Variants in AVEN observed in about 807,000 individuals in gnomAD.
The protein encoded by AVEN is cell death regulator Aven.
In AVEN, 41 loss-of-function variants were observed where a neutral mutation model predicts 38.1. The observed-to-expected ratio is 1.08, with a 90% CI of 0.84 to 1.40. The LOEUF (loss-of-function observed/expected upper bound fraction) is 1.40, where lower values mean the gene tolerates loss of function less well. AVEN is among the 40% of genes most tolerant of loss of function. The probability of loss-of-function intolerance (pLI) is 0.00; values close to 1 mark genes in which losing one functional copy is unlikely to be tolerated. For synonymous variants in AVEN, 206 were observed against 171.8 expected, an observed-to-expected ratio of 1.20 and a Z score of -1.56; for missense variants, 605 against 438.8, an observed-to-expected ratio of 1.38 and a Z score of -3.38.
At chr15:33,991,552 T>G (rs184880457) in intron 2 of AVEN, 16 of 151,148 alleles carry the variant, frequency 1.1e-4, no homozygotes, top group Non-Finnish European at 1.6e-4. Context: ...ATGAAATGTC[T>G]AGATTGAATG....
At chr15:33,872,987 C>T (rs117195282) in intron 3 of AVEN, among the ~76,000 whole-genome samples, 1,927 of 152,122 alleles carry the variant, frequency 0.013, 35 homozygotes, top group African/African-American at 0.043. Flanking sequence ...CCGTGACGCC[C>T]GGTCCCTCTC....
At position 34,002,944 on chromosome 15, in the gene AVEN, G is replaced by A. The variant is rs921345486; in HGVS notation, c.445+88C>T. On this transcript the variant is annotated intron_variant, in intron 2 of 5. Coordinates refer to ENST00000306730, the MANE Select transcript of AVEN (RefSeq NM_020371.3). ...CCAAAGAACAAAGGATAAATTGCTA[G>A]TTATAAAAGTAGAATTTAAAAACAT... is the stretch of plus-strand genomic sequence containing the variant. 2.1e-5 allele frequency: 25 copies of A among 1,193,770 alleles called. No individual in the cohort carries two copies. In the Admixed American group the frequency reaches 2.2e-4, roughly 10 times the overall value. The allele number at this position is 1,193,770 out of a possible 1,614,324, so 73.9% of individuals were successfully genotyped here.
chr15:33,974,694 C>T (rs987163874), intron 2 of AVEN, among the ~76,000 whole-genome samples: 5 of 152,100 alleles, frequency 3.3e-5, no homozygotes, highest in African/African-American at 1.2e-4. Flanking sequence ...AGCTTTGGGC[C>T]GGGCACAGTG....
chr15:34,073,207 ATTTTTTTT>A (rs761265891), intron 1 of AVEN, among the ~76,000 whole-genome samples: 2 of 111,874 alleles, frequency 1.8e-5, no homozygotes, highest in South Asian at 3.1e-4. Flanking sequence ...CGCCCGGCTA[ATTTTTTTT>A]TTTTTTTTTT....
At chr15:34,008,978 A>C (rs1334937310) in intron 1 of AVEN, among the ~76,000 whole-genome samples, 8 of 135,548 alleles carry the variant, frequency 5.9e-5, no homozygotes, top group East Asian at 2.1e-4. Context: ...ACACACACAG[A>C]CCATCGAGAA....
At chr15:33,898,907 G>T (rs16958281) in intron 2 of AVEN, among the ~76,000 whole-genome samples, 1 of 152,254 alleles carries the variant, frequency 6.6e-6, no homozygotes. Context: ...TCCTGAAGAG[G>T]AGTATAATTT....
chr15:33,878,651 A>T (rs117224394), intron 2 of AVEN, among the ~76,000 whole-genome samples: 4,937 of 152,286 alleles, frequency 0.032, 155 homozygotes, highest in Non-Finnish European at 0.039. Context: ...AACTCAAAAG[A>T]TGACAGGCTG....
At chr15:34,047,268 G>A (rs1457612912) in intron 5 of AVEN, among the ~76,000 whole-genome samples, 5 of 152,130 alleles carry the variant, frequency 3.3e-5, no homozygotes, top group African/African-American at 7.2e-5. Context: ...TAGTAGAGAC[G>A]GGGTTTCACC....
chr15:33,884,394 G>C (rs140378216), intron 2 of AVEN, among the ~76,000 whole-genome samples: 1 of 152,164 alleles, frequency 6.6e-6, no homozygotes, highest in Non-Finnish European at 1.5e-5. Context: ...TATGCCTATA[G>C]TACTTTTAAA....
At chr15:33,879,946 AAACTATATG>A (rs1388464661) in intron 2 of AVEN, among the ~76,000 whole-genome samples, 3 of 152,240 alleles carry the variant, frequency 2.0e-5, no homozygotes, top group Non-Finnish European at 4.4e-5. Context: ...AAATAAAAGC[AAACTATATG>A]ACAAAGCAGA....
intron 3 of AVEN, 130 bp downstream of exon 3, chr15:33,875,795 T>C (rs937199697): frequency 9.4e-6 from 8 of 846,872 alleles, no homozygotes; most frequent in Non-Finnish European, 1.4e-5. Context: ...TTCTGAAAAG[T>C]TTAGCTGAGG....
At chr15:33,974,445 G>T (rs1174725203) in intron 2 of AVEN, among the ~76,000 whole-genome samples, 2 of 152,106 alleles carry the variant, frequency 1.3e-5, no homozygotes, top group Non-Finnish European at 2.9e-5. Flanking sequence ...TACCAACAAT[G>T]GTGATTTCTT....
At chr15:33,977,040 G>A (rs755015345) in intron 2 of AVEN, among the ~76,000 whole-genome samples, 36 of 152,154 alleles carry the variant, frequency 2.4e-4, no homozygotes, top group Non-Finnish European at 4.6e-4. Context: ...GCATGAATTA[G>A]TTATGGCAAG....
intron 5 of AVEN, among the ~76,000 whole-genome samples, chr15:33,867,122 A>G (rs907167741): frequency 1.3e-5 from 2 of 152,238 alleles, no homozygotes; most frequent in African/African-American, 2.4e-5. Context: ...TTGTCAAAAT[A>G]TAAGACAGAA....
chr15:34,029,664 AG>A (rs1174420494), intron 1 of AVEN, among the ~76,000 whole-genome samples: 1 of 152,226 alleles, frequency 6.6e-6, no homozygotes, highest in Non-Finnish European at 1.5e-5. Context: ...AAGGACACCA[AG>A]GGAAAATAGG....
downstream of AVEN, among the ~76,000 whole-genome samples, chr15:33,864,368 A>C (rs1345106091): frequency 6.6e-6 from 1 of 151,636 alleles, no homozygotes; most frequent in African/African-American, 2.4e-5. Context: ...CCTTCCCAAC[A>C]AACACTGACA....
In AVEN at chr15:33,918,458, C is replaced by CTTTTTTTTTTTT. The variant is rs33928063; in HGVS notation, c.446-42475_446-42464dup. On this transcript the variant is annotated intron_variant, in intron 2 of 5. Coordinates refer to ENST00000306730, the MANE Select transcript of AVEN (RefSeq NM_020371.3). ...GTGTCTTCCCAGTCTTAAATTACAG[C>CTTTTTTTTTTTT]TTTTTTTTTTTTTTTTTTTTTTTTT... Among the ~76,000 whole-genome samples the CTTTTTTTTTTTT allele has an allele frequency of 3.7e-4, 31 of 84,506 alleles. 2 individuals are homozygous for CTTTTTTTTTTTT. Among genetic ancestry groups the CTTTTTTTTTTTT allele is most frequent in the East Asian group, 2.0e-3 (5 of 2,562 alleles). 55.4% of individuals were successfully genotyped at this position (84,506 alleles called of 152,430 possible).
chr15:33,960,777 A>G (rs1423471388), intron 2 of AVEN, among the ~76,000 whole-genome samples: 4 of 152,066 alleles, frequency 2.6e-5, no homozygotes, highest in African/African-American at 9.7e-5. Flanking sequence ...TTATTCCTTG[A>G]TATGCTTGTC....
At chr15:34,074,358 A>G (rs1046337065) in intron 1 of AVEN, among the ~76,000 whole-genome samples, 4 of 152,244 alleles carry the variant, frequency 2.6e-5, no homozygotes, top group Admixed American at 1.3e-4. Flanking sequence ...TTTAAATTTT[A>G]GAATAACTGT....
Sources: allele counts gnomAD v4.1 joint callset (sites outside exome capture counted in the v4.1 genomes callset), GRCh38; gene constraint gnomAD v4.1.1; transcripts MANE v1.5; gene names NCBI Gene and HGNC (gene_info 2026-07-23, HGNC 2026-07-21).